The following ARID2 variants were observed in gnomAD, a reference collection of about 807,000 sequenced individuals.
ARID2 encodes the protein AT-rich interactive domain-containing protein 2.
In ARID2, 32 loss-of-function variants were observed where a neutral mutation model predicts 184.6. That is an observed-to-expected ratio of 0.17 (90% CI 0.13 to 0.23). ARID2 has a LOEUF of 0.23. ARID2 is among the 10% of genes least tolerant of loss of function. The pLI, the probability that ARID2 is intolerant of heterozygous loss-of-function variation, is 1.00. For synonymous variants in ARID2, 836 were observed against 772.6 expected, an observed-to-expected ratio of 1.08 and a Z score of -1.36; for missense variants, 1,696 against 2,197.6, an observed-to-expected ratio of 0.77 and a Z score of 4.56.
intron 3 of ARID2, among the ~76,000 whole-genome samples, chr12:45,788,958 T>C (rs1054370459): frequency 1.3e-5 from 2 of 152,192 alleles, no homozygotes; most frequent in African/African-American, 4.8e-5. Flanking sequence ...CACGTCAAAA[T>C]AGAATCTGTT....
intron 6 of ARID2, among the ~76,000 whole-genome samples, chr12:45,825,917 T>C (rs1489452411): frequency 1.3e-5 from 2 of 152,012 alleles, no homozygotes; most frequent in African/African-American, 4.8e-5. Flanking sequence ...CAGTATGATT[T>C]ATTGAATTTT....
chr12:45,901,953 C>T (rs1413074061), intron 20 of ARID2, among the ~76,000 whole-genome samples: 2 of 152,196 alleles, frequency 1.3e-5, no homozygotes, highest in East Asian at 3.8e-4. Context: ...GCTGGGATTA[C>T]AGGCGTGAGC....
chr12:45,741,957 A>G (rs943942350), intron 3 of ARID2, among the ~76,000 whole-genome samples: 21 of 152,214 alleles, frequency 1.4e-4, no homozygotes, highest in Admixed American at 3.3e-4. Flanking sequence ...ATTGCACTCC[A>G]TACTAGCTAG....
Position 45,771,301 on chromosome 12 carries a change from T to C in ARID2, c.284+39987T>C, listed in dbSNP as rs375058590. ...TGAGCCCGGGAGGCGGAGGTTGCAGTCAGCTGAGATCGTGCCACTGCACTC... is the reference window on the plus strand; with the variant it reads ...TGAGCCCGGGAGGCGGAGGTTGCAGCCAGCTGAGATCGTGCCACTGCACTC... On this transcript the variant is annotated intron_variant, in intron 3 of 20. Coordinates refer to ENST00000334344, the MANE Select transcript of ARID2 (RefSeq NM_152641.4). 1.2e-4 allele frequency among the ~76,000 whole-genome samples: 17 copies of C among 147,674 alleles called. 1 individual carries two copies. The East Asian group carries it at 1.8e-3, about 16-fold the overall frequency.
At chr12:45,758,797 T>C (rs1473542160) in intron 3 of ARID2, among the ~76,000 whole-genome samples, 1 of 152,198 alleles carries the variant, frequency 6.6e-6, no homozygotes, top group African/African-American at 2.4e-5. Context: ...GCACTTTTTC[T>C]AAGGGTACAC....
At chr12:45,730,827 C>G (rs982556026) in intron 2 of ARID2, among the ~76,000 whole-genome samples, 7 of 151,542 alleles carry the variant, frequency 4.6e-5, no homozygotes, top group African/African-American at 9.7e-5. Context: ...GGCCCCCCCC[C>G]CAACCCGCGG....
At chr12:45,737,091 T>C (rs1359447758) in intron 3 of ARID2, among the ~76,000 whole-genome samples, 1 of 152,246 alleles carries the variant, frequency 6.6e-6, no homozygotes, top group African/African-American at 2.4e-5. Context: ...ATACTTTCTG[T>C]GTATTCATTA....
chr12:45,832,126 T>G (rs905416783), intron 6 of ARID2, among the ~76,000 whole-genome samples: 2 of 152,218 alleles, frequency 1.3e-5, no homozygotes, highest in Non-Finnish European at 2.9e-5. Context: ...CTCTCAACTT[T>G]TATTTATCTA....
chr12:45,773,713 T>C (rs988426826), intron 3 of ARID2, among the ~76,000 whole-genome samples: 14 of 152,068 alleles, frequency 9.2e-5, no homozygotes, highest in African/African-American at 3.4e-4. Context: ...AATAGACCTA[T>C]AACAAATAAA....
chr12:45,904,429 A>G (rs1307825731), intron 20 of ARID2: 1 of 690,046 alleles, frequency 1.4e-6, no homozygotes, highest in Non-Finnish European at 2.7e-6. Flanking sequence ...GCGGTGGCTC[A>G]CGCCTGTAAT....
At chr12:45,767,028 G>T (rs1941785073) in intron 3 of ARID2, among the ~76,000 whole-genome samples, 1 of 152,118 alleles carries the variant, frequency 6.6e-6, no homozygotes, top group Admixed American at 6.5e-5. Context: ...AGCAATGTTT[G>T]AAAGTTCTGG....
intron 3 of ARID2, among the ~76,000 whole-genome samples, chr12:45,771,164 G>T (rs1196260802): frequency 2.0e-5 from 3 of 152,044 alleles, no homozygotes; most frequent in Admixed American, 6.6e-5. Flanking sequence ...TAAAAAGCAG[G>T]CTGGGCGCAG....
chr12:45,823,502 C>G (rs1441693352), intron 6 of ARID2, among the ~76,000 whole-genome samples: 1 of 151,750 alleles, frequency 6.6e-6, no homozygotes, highest in South Asian at 2.1e-4. Context: ...ATCAACAAAA[C>G]AAAAAGTTGT....
chr12:45,836,426 G>C (rs1387336802), intron 6 of ARID2, among the ~76,000 whole-genome samples, 163 bp from the exon 7 acceptor site: 1 of 152,124 alleles, frequency 6.6e-6, no homozygotes, highest in African/African-American at 2.4e-5. Context: ...TTGCTGCCCA[G>C]GCAGGTCTCA....
intron 3 of ARID2, among the ~76,000 whole-genome samples, chr12:45,798,218 T>C (rs76725831): frequency 9.3e-5 from 14 of 151,140 alleles, no homozygotes; most frequent in South Asian, 4.2e-4. Flanking sequence ...GTTTTTTTTT[T>C]CCAGTATTTT....
intron 3 of ARID2, among the ~76,000 whole-genome samples, chr12:45,767,322 T>C (rs1941789962): frequency 6.6e-6 from 1 of 152,232 alleles, no homozygotes; most frequent in Non-Finnish European, 1.5e-5. Flanking sequence ...TCTCTCAGTC[T>C]ATGGCTTGTG....
intron 3 of ARID2, among the ~76,000 whole-genome samples, chr12:45,773,096 A>G (rs2138027066): frequency 6.6e-6 from 1 of 152,316 alleles, no homozygotes; most frequent in East Asian, 1.9e-4. Context: ...CAACCAACAG[A>G]AAGAAATTTG....
intron 3 of ARID2, among the ~76,000 whole-genome samples, chr12:45,795,458 G>A (rs1344400386): frequency 6.6e-6 from 1 of 151,680 alleles, no homozygotes; most frequent in African/African-American, 2.4e-5. Flanking sequence ...TTTAGACGGA[G>A]TCTCGCTCTG....
At chr12:45,783,456 T>C (rs748843759) in intron 3 of ARID2, among the ~76,000 whole-genome samples, 8 of 152,178 alleles carry the variant, frequency 5.3e-5, no homozygotes, top group Non-Finnish European at 8.8e-5. Context: ...AACATTATGC[T>C]CAATGGTGAA....
Sources: allele counts gnomAD v4.1 joint callset (sites outside exome capture counted in the v4.1 genomes callset), GRCh38; gene constraint gnomAD v4.1.1; transcripts MANE v1.5; gene names NCBI Gene and HGNC (gene_info 2026-07-23, HGNC 2026-07-21).